Variants in USP28 observed in about 807,000 individuals in gnomAD.
USP28 encodes the protein ubiquitin specific peptidase 28, also known as ubiquitin carboxyl-terminal hydrolase 28.
A neutral mutation model predicts 145.0 loss-of-function variants in USP28; 113 were observed. The observed-to-expected ratio is 0.78, with a 90% CI of 0.67 to 0.91. The LOEUF (loss-of-function observed/expected upper bound fraction) is 0.91. Ranked by LOEUF, USP28 falls within the 40% of genes least tolerant of loss-of-function variation. USP28 has a pLI of 0.00. For missense variants in USP28, 1,201 were observed against 1,289.6 expected, an observed-to-expected ratio of 0.93 and a Z score of 1.05; for synonymous variants, 447 against 450.9, an observed-to-expected ratio of 0.99 and a Z score of 0.11.
At chr11:113,864,523 TA>T (rs1393520665) in intron 1 of USP28, among the ~76,000 whole-genome samples, 1 of 152,144 alleles carries the variant, frequency 6.6e-6, no homozygotes, top group Admixed American at 6.5e-5. Context: ...GTTGAGTGTG[TA>T]AGTTCCAGTC....
chr11:113,803,200 GA>G lies in USP28; in HGVS notation c.2819del (p.Val940AlafsTer5). The G allele has an allele frequency of 1.9e-6, 3 of 1,614,106 alleles. No individual in the cohort carries two copies. The highest frequency in any genetic ancestry group is 2.5e-6 in the Non-Finnish European group (3 of 1,179,994). ...GGTATAAAGCAATCACGGATTCTTT[GA>G]CCCCCCGGCGGGGCCCCTTCATCAG... On this transcript the variant is annotated frameshift_variant, in exon 23 of 25. Coordinates refer to ENST00000003302, the Ensembl canonical transcript of USP28. LOFTEE classifies it high-confidence loss of function.
chr11:113,829,086 C>A, intron 10 of USP28, 111 bp downstream of exon 10: 1 of 1,430,802 alleles, frequency 7.0e-7, no homozygotes. Flanking sequence ...AATTCAAGTT[C>A]TGCTAAGTGT....
chr11:113,828,729 T>C (rs1368229069), intron 10 of USP28: 1 of 308,934 alleles, frequency 3.2e-6, no homozygotes, highest in Non-Finnish European at 6.3e-6. Flanking sequence ...AGAAAAAAAA[T>C]AGATACATAA....
intron 1 of USP28, among the ~76,000 whole-genome samples, chr11:113,861,049 G>A (rs116108726): frequency 2.8e-4 from 42 of 151,846 alleles, no homozygotes; most frequent in African/African-American, 8.9e-4. Flanking sequence ...GAACCTGGAG[G>A]TGGAGGTTGC....
At position 113,832,002 on chromosome 11, in the gene USP28, G is replaced by C; in HGVS notation, c.760-9C>G. 1 of 1,611,494 alleles carries C rather than the reference G, an allele frequency of 6.2e-7. No homozygotes were observed. Among genetic ancestry groups the C allele is most frequent in the Non-Finnish European group, 8.5e-7 (1 of 1,179,494 alleles). ...AATTCACTCACATCTTGCTATAAGA[G>C]AGGCACAAATTGCATAAAAGTTAGA... On this transcript the variant is annotated splice_polypyrimidine_tract_variant and intron_variant, in intron 7 of 24. Coordinates refer to ENST00000003302, the Ensembl canonical transcript of USP28.
intron 7 of USP28, among the ~76,000 whole-genome samples, chr11:113,833,184 T>C (rs1207344864): frequency 1.3e-5 from 2 of 152,318 alleles, no homozygotes; most frequent in East Asian, 1.9e-4. Flanking sequence ...TTCTTTCTAC[T>C]ACTATTTCTT....
intron 1 of USP28, among the ~76,000 whole-genome samples, chr11:113,857,781 T>C (rs1947223595): frequency 6.6e-6 from 1 of 152,224 alleles, no homozygotes; most frequent in South Asian, 2.1e-4. Flanking sequence ...TTACCATTCC[T>C]CTTTCTCCAT....
intron 12 of USP28, among the ~76,000 whole-genome samples, chr11:113,820,019 G>A (rs1182990071): frequency 6.6e-6 from 1 of 152,162 alleles, no homozygotes; most frequent in African/African-American, 2.4e-5. Flanking sequence ...TTCCATTATT[G>A]GAATGCTAAG....
intron 11 of USP28, among the ~76,000 whole-genome samples, chr11:113,826,710 G>A (rs1407207142): frequency 2.0e-5 from 3 of 151,728 alleles, no homozygotes; most frequent in African/African-American, 2.4e-5. Context: ...ACCTGAGGTC[G>A]GGAGTTCGCG....
chr11:113,838,211 T>TG (rs549471438), intron 5 of USP28, among the ~76,000 whole-genome samples: 38 of 152,118 alleles, frequency 2.5e-4, no homozygotes, highest in African/African-American at 6.7e-4. Flanking sequence ...AGGCTAATGG[T>TG]GGGGGGGCGG....
chr11:113,822,518 T>G (rs1270524020), intron 12 of USP28: 2 of 148,074 alleles, frequency 1.4e-5, no homozygotes, highest in Admixed American at 6.7e-5. Flanking sequence ...CTCACTAAGT[T>G]GCACAGGCTG....
chr11:113,859,963 T>G (rs1352303450), intron 1 of USP28, among the ~76,000 whole-genome samples: 2 of 152,200 alleles, frequency 1.3e-5, no homozygotes, highest in Non-Finnish European at 2.9e-5. Context: ...TGCTACTCAG[T>G]GGTTTTGGTG....
exon 9 of USP28, chr11:113,830,895 A>C: frequency 1.2e-6 from 2 of 1,614,122 alleles, no homozygotes; most frequent in South Asian, 2.2e-5. Context: ...TCAGGAAAGT[A>C]CCATAGAACA....
intron 3 of USP28, among the ~76,000 whole-genome samples, chr11:113,842,382 G>A (rs910764628): frequency 2.6e-5 from 4 of 151,912 alleles, no homozygotes; most frequent in African/African-American, 4.8e-5. Context: ...TCAAGAGATC[G>A]AGACCATCCT....
Position 113,841,694 on chromosome 11 carries a change from TG to T in USP28, c.342del (p.Ile116PhefsTer49). 6.2e-7 allele frequency: 1 copy of T among 1,613,296 alleles called. No individual in the cohort carries two copies. Among genetic ancestry groups the T allele is most frequent in the Non-Finnish European group, 8.5e-7 (1 of 1,179,454 alleles). ...AGATCTCTTCCATCAGCTTGAATTTTGGGAGACTCCAGTAGACTCAAAGCAA... is the reference window on the plus strand; with the variant it reads ...AGATCTCTTCCATCAGCTTGAATTTTGGAGACTCCAGTAGACTCAAAGCAA... On this transcript the variant is annotated frameshift_variant, in exon 4 of 25. Transcript: ENST00000003302. LOFTEE classifies it high-confidence loss of function.
At chr11:113,843,933 A>C (rs181858286) in intron 3 of USP28, among the ~76,000 whole-genome samples, 189 of 152,296 alleles carry the variant, frequency 1.2e-3, no homozygotes, top group Non-Finnish European at 2.1e-3. Context: ...AAAAGAATAA[A>C]GCTGAACCCC....
chr11:113,811,687 CAA>C (rs567925481), intron 16 of USP28, among the ~76,000 whole-genome samples: 1 of 135,916 alleles, frequency 7.4e-6, no homozygotes, highest in Admixed American at 7.5e-5. Flanking sequence ...GACTATGTCT[CAA>C]AAAAAAAAGA....
rs113587074 is a variant in USP28 at position 113,853,135 on chromosome 11, C to G, written c.136-502G>C. On this transcript the variant is annotated intron_variant, in intron 2 of 24. Coordinates refer to ENST00000003302, the Ensembl canonical transcript of USP28. ...TTGAGCAACTTGGCAAAACCCCATCCCTACCAAAAATACAAAAACTAGCCA... is the reference window on the plus strand; with the variant it reads ...TTGAGCAACTTGGCAAAACCCCATCGCTACCAAAAATACAAAAACTAGCCA... 2.0e-3 allele frequency among the ~76,000 whole-genome samples: 297 copies of G among 151,676 alleles called. 1 individual carries two copies. The highest frequency in any genetic ancestry group is 6.8e-3 in the African/African-American group (282 of 41,374).
At chr11:113,804,733 C>T (rs1939634387) in exon 21 of USP28, 2 of 1,614,080 alleles carry the variant, frequency 1.2e-6, no homozygotes, top group Admixed American at 3.3e-5. Flanking sequence ...CTTGAGCCAC[C>T]TTCATAATGC....
Sources: gnomAD v4.1 joint callset for allele counts (sites outside exome capture counted in the v4.1 genomes callset) on GRCh38, gnomAD v4.1.1 for gene constraint, MANE v1.5 for transcripts, NCBI Gene and HGNC (gene_info 2026-07-23, HGNC 2026-07-21) for gene names.